The following ANO1 variants were observed in gnomAD, a reference collection of about 807,000 sequenced individuals.
ANO1 encodes anoctamin 1.
In ANO1, 59 loss-of-function variants were observed where a neutral mutation model predicts 124.0. The observed-to-expected ratio is 0.48, with a 90% CI of 0.39 to 0.59. The LOEUF is 0.59. Ranked by LOEUF, ANO1 falls within the 20% of genes least tolerant of loss-of-function variation. ANO1 has a pLI of 0.00. For missense variants in ANO1, 1,059 were observed against 1,328.0 expected (o/e 0.80, Z 3.15); for synonymous variants, 529 against 532.0 (o/e 0.99, Z 0.08).
chr11:70,165,626 G>A (rs1442078424), intron 20 of ANO1, 56 bp downstream of exon 20: 1 of 1,466,516 alleles, frequency 6.8e-7, no homozygotes. Context: ...GGAGGGGTGT[G>A]TGGGTGGCTC....
intron 2 of ANO1, among the ~76,000 whole-genome samples, chr11:70,098,794 C>T (rs1260828339): frequency 4.6e-5 from 7 of 152,176 alleles, no homozygotes; most frequent in African/African-American, 9.7e-5. Context: ...TCTAGGCCCT[C>T]GGGCCACGGG....
At chr11:70,179,156 G>A (rs928553988) in intron 22 of ANO1, among the ~76,000 whole-genome samples, 7 of 152,354 alleles carry the variant, frequency 4.6e-5, no homozygotes, top group Admixed American at 2.0e-4. Flanking sequence ...CATCCTGGCC[G>A]TTTCTGACGA....
chr11:69,974,106 G>A, the ANO1 span, among the ~76,000 whole-genome samples: 748 of 151,894 alleles, frequency 4.9e-3, 2 homozygotes, highest in South Asian at 0.016. Flanking sequence ...ATCACCTGAG[G>A]ACAGGAGTTC....
chr11:70,185,173 G>A (rs1414096196), intron 24 of ANO1, among the ~76,000 whole-genome samples: 3 of 152,186 alleles, frequency 2.0e-5, no homozygotes, highest in Non-Finnish European at 2.9e-5. Context: ...GAACCCCCCC[G>A]ACTTCAACCA....
At chr11:70,142,296 TC>T (rs1210545001) in intron 11 of ANO1, among the ~76,000 whole-genome samples, 1 of 152,148 alleles carries the variant, frequency 6.6e-6, no homozygotes, top group Non-Finnish European at 1.5e-5. Flanking sequence ...CTGGAACCCC[TC>T]CCAGGGGCTG....
the ANO1 span, among the ~76,000 whole-genome samples, chr11:69,976,507 TAAAAAAAAAAAAAAAAAAAAAAA>T: frequency 3.1e-3 from 230 of 74,482 alleles, 26 homozygotes; most frequent in East Asian, 0.018. Context: ...ACTCCGTCTC[TAAAAAAAAAAAAAAAAAAAAAAA>T]AAAAAAAAAA....
chr11:70,169,836 C>T (rs907660640), intron 21 of ANO1: 1 of 227,784 alleles, frequency 4.4e-6, no homozygotes, highest in Non-Finnish European at 9.0e-6. Flanking sequence ...ACTCAGCCCG[C>T]CAGGCACACG....
intron 13 of ANO1, 135 bp downstream of exon 13, chr11:70,152,596 C>A: frequency 9.5e-7 from 1 of 1,050,070 alleles, no homozygotes; most frequent in Non-Finnish European, 1.4e-6. Context: ...CTGCTTTCTC[C>A]CCACCTCCGG....
chr11:69,995,927 T>C (rs1405075910), intron 1 of ANO1, among the ~76,000 whole-genome samples: 11 of 152,138 alleles, frequency 7.2e-5, no homozygotes, highest in Non-Finnish European at 1.5e-4. Flanking sequence ...AGCTGGCTAA[T>C]AGAGCGAAAC....
chr11:70,018,748 G>A (rs1565162055), intron 1 of ANO1, among the ~76,000 whole-genome samples: 1 of 152,228 alleles, frequency 6.6e-6, no homozygotes, highest in East Asian at 1.9e-4. Context: ...CGGAAAGACT[G>A]AAGAACAAAC....
chr11:70,109,876 G>A (rs7927723), intron 6 of ANO1, among the ~76,000 whole-genome samples: 12,425 of 151,988 alleles, frequency 0.082, 726 homozygotes, highest in South Asian at 0.27. Context: ...ACCTGGTGAC[G>A]GGGCAGATAG....
rs7934331 is a variant in ANO1 at position 70,053,644 on chromosome 11, A to G, written c.59-24898A>G. 3.0e-3 allele frequency among the ~76,000 whole-genome samples: 464 copies of G among 152,250 alleles called. 2 individuals are homozygous for G. Among genetic ancestry groups the G allele is most frequent in the African/African-American group, 0.011 (437 of 41,534 alleles). Reference sequence around the variant, plus strand: ...GGTATTTTTGTTTAGGATTTATAAGATATATGTATATTTATAAGAAATATT... The same window carrying G: ...GGTATTTTTGTTTAGGATTTATAAGGTATATGTATATTTATAAGAAATATT... On this transcript the variant is annotated intron_variant, in intron 1 of 27. Transcript: ENST00000531349.
intron 1 of ANO1, among the ~76,000 whole-genome samples, chr11:69,988,780 C>T (rs1554997147): frequency 6.6e-6 from 1 of 152,214 alleles, no homozygotes; most frequent in African/African-American, 2.4e-5. Flanking sequence ...CATCCCTCCA[C>T]TGGGACATGT....
At chr11:69,978,019 C>T in the ANO1 span, among the ~76,000 whole-genome samples, 8 of 152,288 alleles carry the variant, frequency 5.3e-5, no homozygotes, top group African/African-American at 1.2e-4. Context: ...AGAGCAGAGG[C>T]GGGGCCGGTG....
Position 70,167,299 on chromosome 11 carries a change from C to T in ANO1, c.2109C>T (p.His703=), listed in dbSNP as rs200463172. The part of the protein sequence containing the change: ...LKLKQQSPPD[H]EECVKRKQRY... Reference sequence around the variant, plus strand: ...TGAAGCAGCAGAGCCCCCCTGACCACGAGGAGTGTGTGAAGAGGAAACAGC... The same window carrying T: ...TGAAGCAGCAGAGCCCCCCTGACCATGAGGAGTGTGTGAAGAGGAAACAGC... The change falls in exon 21 of 26, where the codon CAC becomes CAT. Residue 703 remains histidine, a synonymous_variant. Transcript: ENST00000355303. 1,912 of 1,613,968 alleles carry T rather than the reference C, an allele frequency of 1.2e-3. 1 individual carries two copies. The highest frequency in any genetic ancestry group is 1.5e-3 in the Middle Eastern group (9 of 6,062).
chr11:70,125,831 G>A (rs761203812), intron 9 of ANO1, among the ~76,000 whole-genome samples: 3 of 140,442 alleles, frequency 2.1e-5, no homozygotes, highest in South Asian at 2.3e-4. Flanking sequence ...GCAACAGAGC[G>A]AGACTCCATC....
intron 8 of ANO1, among the ~76,000 whole-genome samples, chr11:70,120,133 A>G (rs2135454613): frequency 6.6e-6 from 1 of 152,270 alleles, no homozygotes; most frequent in Admixed American, 6.5e-5. Flanking sequence ...GGCAGAAATG[A>G]AAGTGCAGCC....
intron 8 of ANO1, among the ~76,000 whole-genome samples, chr11:70,123,419 G>T (rs112053484): frequency 7.9e-5 from 12 of 152,332 alleles, no homozygotes; most frequent in African/African-American, 2.9e-4. Context: ...GCTCAGGCAC[G>T]CGAGGCTATG....
intron 1 of ANO1, among the ~76,000 whole-genome samples, chr11:70,062,206 A>T (rs1555007862): frequency 6.7e-6 from 1 of 149,590 alleles, no homozygotes; most frequent in Non-Finnish European, 1.5e-5. Flanking sequence ...CCTCCCAAGT[A>T]GCTGGAATTA....
Sources: allele counts gnomAD v4.1 joint callset (sites outside exome capture counted in the v4.1 genomes callset), GRCh38; gene constraint gnomAD v4.1.1; transcripts MANE v1.5; gene names NCBI Gene and HGNC (gene_info 2026-07-23, HGNC 2026-07-21).